The following ESRRG variants were observed in gnomAD, a reference collection of about 807,000 sequenced individuals.
ESRRG encodes estrogen related receptor gamma.
A neutral mutation model predicts 44.0 loss-of-function variants in ESRRG; 13 were observed. That is an observed-to-expected ratio of 0.30 (90% CI 0.19 to 0.47). ESRRG has a LOEUF of 0.47. ESRRG is among the 20% of genes least tolerant of loss of function. ESRRG has a pLI of 1.00. For synonymous variants in ESRRG, 215 were observed against 214.6 expected, an observed-to-expected ratio of 1.00 and a Z score of -0.02; for missense variants, 395 against 580.6, an observed-to-expected ratio of 0.68 and a Z score of 3.29.
At chr1:216,647,966 G>A (rs1451204149) in intron 3 of ESRRG, among the ~76,000 whole-genome samples, 7 of 152,152 alleles carry the variant, frequency 4.6e-5, no homozygotes, top group African/African-American at 1.2e-4. Context: ...GACCTGCTGT[G>A]CCATCAGCCT....
chr1:216,755,355 G>A (rs1158175626), intron 2 of ESRRG, among the ~76,000 whole-genome samples: 2 of 151,574 alleles, frequency 1.3e-5, no homozygotes, highest in East Asian at 3.9e-4. Flanking sequence ...ACCTAGACCA[G>A]GACTCTAGAT....
chr1:217,038,527 G>T (rs186695502), intron 1 of ESRRG, among the ~76,000 whole-genome samples: 2 of 152,188 alleles, frequency 1.3e-5, no homozygotes, highest in Non-Finnish European at 2.9e-5. Flanking sequence ...AAGGTTTGGG[G>T]TTTCCACCCT....
At position 216,551,624 on chromosome 1, in the gene ESRRG, G is replaced by A. The variant is rs182956766; in HGVS notation, c.862+12595C>T. On this transcript the variant is annotated intron_variant, in intron 5 of 6. Transcript: ENST00000408911. ...AGTGCAGAGGGTCAGACAACCGATC[G>A]GGTTAATTAAAACCCGTGGATTATT... Among the ~76,000 whole-genome samples the A allele has an allele frequency of 3.4e-3, 520 of 152,156 alleles. 15 individuals are homozygous for A. The highest frequency in any genetic ancestry group is 0.028 in the Admixed American group (433 of 15,264).
chr1:216,705,987 G>T (rs1178652757), intron 1 of ESRRG, among the ~76,000 whole-genome samples: 1 of 151,858 alleles, frequency 6.6e-6, no homozygotes, highest in Admixed American at 6.6e-5. Flanking sequence ...TGGAAGTGGG[G>T]CATTGGCAAA....
chr1:216,792,484 C>A (rs2094349213), intron 2 of ESRRG, among the ~76,000 whole-genome samples: 1 of 152,026 alleles, frequency 6.6e-6, no homozygotes, highest in South Asian at 2.1e-4. Flanking sequence ...TCAAAAACAA[C>A]TATTCAGGGA....
Position 216,723,292 on chromosome 1 carries a change from G to A in ESRRG, c.8C>T (p.Ser3Leu), listed in dbSNP as rs1260342254. Reference protein sequence around the residue: MDSVELCLPESFS... With the variant: MDLVELCLPESFS... ...AGATTCAGGAAGGCAAAGTTCTACC[G>A]AATCCATGTGCGACCGGCAACCATT... Residue 3 changes from serine (S) to leucine (L), a missense_variant, in exon 1 of 7, where the codon TCG becomes TTG. Ser to Leu is a moderately radical substitution (Grantham distance 145). Coordinates refer to ENST00000408911, the MANE Select transcript of ESRRG (RefSeq NM_001438.4). 3 of 1,613,402 alleles carry A rather than the reference G, an allele frequency of 1.9e-6. No individual in the cohort carries two copies. The highest frequency in any genetic ancestry group is 2.5e-6 in the Non-Finnish European group (3 of 1,179,822).
At chr1:216,839,321 T>G (rs2095614904) in intron 2 of ESRRG, among the ~76,000 whole-genome samples, 2 of 152,212 alleles carry the variant, frequency 1.3e-5, no homozygotes, top group Non-Finnish European at 2.9e-5. Context: ...CTAGTTCTCT[T>G]GCTATTTCCA....
Position 216,885,929 on chromosome 1 carries a change from AC to A in ESRRG, c.-14+53652del, listed in dbSNP as rs201778743. Reference sequence around the variant, plus strand: ...AAGGCCAAACTCATGCCTCATTCCTACAAAAATCCCTTCTTAGAACCTCTAG... The same window carrying A: ...AAGGCCAAACTCATGCCTCATTCCTAAAAAATCCCTTCTTAGAACCTCTAG... On this transcript the variant is annotated intron_variant, in intron 2 of 7. Transcript: ENST00000359162. 1.4e-4 allele frequency among the ~76,000 whole-genome samples: 21 copies of A among 151,988 alleles called. No individual in the cohort carries two copies. The East Asian group carries it at 2.1e-3, about 15-fold the overall frequency.
intron 2 of ESRRG, among the ~76,000 whole-genome samples, chr1:216,795,347 T>C (rs1405443017): frequency 6.9e-6 from 1 of 144,084 alleles, no homozygotes; most frequent in South Asian, 2.2e-4. Context: ...TTTTTCTTTT[T>C]TTTTTTTTTT....
At chr1:216,662,604 G>T (rs920502444) in intron 2 of ESRRG, among the ~76,000 whole-genome samples, 1 of 150,802 alleles carries the variant, frequency 6.6e-6, no homozygotes, top group African/African-American at 2.4e-5. Flanking sequence ...GAAAAGTATA[G>T]AGGAAAACTT....
intron 1 of ESRRG, among the ~76,000 whole-genome samples, chr1:216,958,909 C>T (rs767210483): frequency 2.2e-4 from 34 of 152,112 alleles, no homozygotes; most frequent in Non-Finnish European, 4.1e-4. Flanking sequence ...CCTTTAGTAC[C>T]TTCTGGAATA....
intron 3 of ESRRG, among the ~76,000 whole-genome samples, chr1:216,609,863 A>G (rs1407786988): frequency 1.3e-5 from 2 of 152,184 alleles, no homozygotes; most frequent in African/African-American, 4.8e-5. Context: ...CTACATTTCT[A>G]TTTGGTGGTA....
chr1:217,039,801 C>T (rs923742019), intron 1 of ESRRG, among the ~76,000 whole-genome samples: 53 of 152,178 alleles, frequency 3.5e-4, no homozygotes, highest in African/African-American at 1.2e-3. Context: ...GTTTGTATCT[C>T]ATTATGTTCT....
chr1:216,925,483 A>C (rs2062420876), intron 2 of ESRRG, among the ~76,000 whole-genome samples: 1 of 152,192 alleles, frequency 6.6e-6, no homozygotes, highest in Admixed American at 6.5e-5. Flanking sequence ...GAGACAAGCG[A>C]GACAGCAGCG....
rs1234302691 is a variant in ESRRG at position 216,948,462 on chromosome 1, G to A, written c.-105-8789C>T. On this transcript the variant is annotated intron_variant, in intron 1 of 7. Transcript: ENST00000359162. The stretch of plus-strand genomic sequence containing the variant: ...ACTGCACTCCAGCCTGGGCAAAAGA[G>A]CAAGACTCCATCTCAAAAAAAAAAA... Among the ~76,000 whole-genome samples, 12 of 113,202 alleles carry A rather than the reference G, an allele frequency of 1.1e-4. No individual in the cohort carries two copies. The Admixed American group carries it at 1.4e-3, about 13-fold the overall frequency. 74.3% of individuals were successfully genotyped at this position (113,202 alleles called of 152,430 possible).
At chr1:217,056,350 T>C (rs1487923371) in intron 1 of ESRRG, among the ~76,000 whole-genome samples, 1 of 152,174 alleles carries the variant, frequency 6.6e-6, no homozygotes, top group African/African-American at 2.4e-5. Context: ...TTTGTGGTTA[T>C]TTTTATAGGT....
At chr1:217,136,963 G>T (rs1436210981) in intron 1 of ESRRG, among the ~76,000 whole-genome samples, 1 of 152,188 alleles carries the variant, frequency 6.6e-6, no homozygotes, top group Non-Finnish European at 1.5e-5. Context: ...GTCCGCAGAT[G>T]CAGGGACGTT....
chr1:216,831,183 G>C (rs2095481721), intron 2 of ESRRG, among the ~76,000 whole-genome samples: 2 of 152,042 alleles, frequency 1.3e-5, no homozygotes, highest in African/African-American at 2.4e-5. Flanking sequence ...GAGGAGTTAC[G>C]TGTCTGGTGC....
chr1:216,674,408 A>G (rs1325114701), intron 2 of ESRRG, among the ~76,000 whole-genome samples: 1 of 152,196 alleles, frequency 6.6e-6, no homozygotes, highest in African/African-American at 2.4e-5. Context: ...AGATTTTTGT[A>G]AGAAAATATC....
Sources: gnomAD v4.1 joint callset for allele counts (sites outside exome capture counted in the v4.1 genomes callset) on GRCh38, gnomAD v4.1.1 for gene constraint, MANE v1.5 for transcripts, NCBI Gene and HGNC (gene_info 2026-07-23, HGNC 2026-07-21) for gene names.